The following NBEAL1 variants were observed in gnomAD, a reference collection of about 807,000 sequenced individuals.
NBEAL1 encodes the protein neurobeachin-like protein 1.
Under a neutral mutation model 351.3 loss-of-function variants are expected in NBEAL1, and 273 were observed. The ratio of observed to expected loss-of-function variants is 0.78; its 90% CI spans 0.70 to 0.86. NBEAL1 has a LOEUF of 0.86. NBEAL1 is among the 40% of genes least tolerant of loss of function. The pLI is 0.00. For missense variants in NBEAL1, 2,961 were observed against 3,201.3 expected, an observed-to-expected ratio of 0.92 and a Z score of 1.81; for synonymous variants, 1,050 against 1,086.4, an observed-to-expected ratio of 0.97 and a Z score of 0.66.
At chr2:203,018,129 T>G (rs1574851159) in intron 2 of NBEAL1, among the ~76,000 whole-genome samples, 1 of 152,246 alleles carries the variant, frequency 6.6e-6, no homozygotes, top group East Asian at 1.9e-4. Context: ...CCTCATAGAT[T>G]TAAGTCTTCT....
At chr2:203,131,702 A>C (rs1201561807) in intron 25 of NBEAL1, among the ~76,000 whole-genome samples, 1 of 152,206 alleles carries the variant, frequency 6.6e-6, no homozygotes, top group Non-Finnish European at 1.5e-5. Context: ...CTCCGGCATA[A>C]ATGGGTTAAT....
At chr2:203,152,167 A>G (rs1251398095) in intron 35 of NBEAL1, among the ~76,000 whole-genome samples, 5 of 150,712 alleles carry the variant, frequency 3.3e-5, no homozygotes, top group African/African-American at 2.4e-5. Context: ...CATGTTGGCC[A>G]GGCTGGTCTC....
intron 2 of NBEAL1, among the ~76,000 whole-genome samples, chr2:203,021,768 G>A (rs936014764): frequency 5.3e-5 from 8 of 151,796 alleles, no homozygotes; most frequent in Non-Finnish European, 8.8e-5. Context: ...GACATGTATC[G>A]GCTGGGCACA....
rs2061514032 is a variant in NBEAL1, at chr2:203,062,353, C to T, written c.515+4900C>T. The stretch of plus-strand genomic sequence containing the variant: ...TCTGGGAAAAATCCAGCAACGCCCA[C>T]TCCTGAGGGGTGAAGGTTACAGCCA... On this transcript the variant is annotated intron_variant, in intron 6 of 55. Transcript: ENST00000683969. This position sits in a 1 kb window ranked among gnomAD's most constrained non-coding sequence, Gnocchi z 4.2. The T allele has an allele frequency of 4.1e-6, 2 of 487,908 alleles. No homozygotes were observed. Among genetic ancestry groups the T allele is most frequent in the Non-Finnish European group, 8.2e-6 (2 of 243,308 alleles). The allele number at this position is 487,908 out of a possible 1,614,324, so 30.2% of individuals were successfully genotyped here.
At chr2:203,188,775 A>G (rs1197459662) in intron 45 of NBEAL1, among the ~76,000 whole-genome samples, 186 bp downstream of exon 45, 1 of 152,222 alleles carries the variant, frequency 6.6e-6, no homozygotes, top group Non-Finnish European at 1.5e-5. Context: ...ATGCCAATCT[A>G]ATTATAAATG....
intron 19 of NBEAL1, among the ~76,000 whole-genome samples, chr2:203,124,511 T>TC (rs1214849859): frequency 6.6e-5 from 10 of 152,226 alleles, no homozygotes; most frequent in Non-Finnish European, 1.2e-4. Flanking sequence ...ATAGAAATGT[T>TC]AATCTGCTTC....
chr2:203,203,210 C>T (rs1207721254), intron 51 of NBEAL1, among the ~76,000 whole-genome samples: 3 of 151,454 alleles, frequency 2.0e-5, no homozygotes, highest in Non-Finnish European at 4.4e-5. Flanking sequence ...GGCATGATCT[C>T]GGCTCACTGC....
Position 203,141,945 on chromosome 2 carries a change from T to C in NBEAL1, c.4849-2655T>C, listed in dbSNP as rs781001420. 7.9e-5 allele frequency among the ~76,000 whole-genome samples: 12 copies of C among 152,320 alleles called. No individual in the cohort carries two copies. In the Middle Eastern group the frequency reaches 0.01, roughly 130 times the overall value. On this transcript the variant is annotated intron_variant, in intron 31 of 55. Coordinates refer to ENST00000683969, the MANE Select transcript of NBEAL1 (RefSeq NM_001378026.1). ...TAAAAACTAAGATTTCCCAGCTTCTTTCAAAAATAGGACTGCATGGTTGTT... is the reference window on the plus strand; with the variant it reads ...TAAAAACTAAGATTTCCCAGCTTCTCTCAAAAATAGGACTGCATGGTTGTT...
intron 10 of NBEAL1, among the ~76,000 whole-genome samples, chr2:203,089,449 A>T (rs76745520): frequency 1.3e-5 from 2 of 152,120 alleles, no homozygotes; most frequent in Non-Finnish European, 1.5e-5. Context: ...TTTTCTCTCA[A>T]TACAAAAAAG....
At chr2:203,191,875 T>G (rs554713736) in intron 46 of NBEAL1, among the ~76,000 whole-genome samples, 295 of 152,298 alleles carry the variant, frequency 1.9e-3, no homozygotes, top group Non-Finnish European at 3.7e-3. Context: ...TGCTACCTAA[T>G]TAGGACACTT....
At chr2:203,131,848 A>G (rs1236551595) in intron 25 of NBEAL1, 125 bp from the exon 26 acceptor site, 12 of 629,252 alleles carry the variant, frequency 1.9e-5, no homozygotes, top group Non-Finnish European at 2.3e-5. Flanking sequence ...ACTTACTAAC[A>G]TTAAATATTA....
At chr2:203,162,055 A>T (rs1478747391) in intron 36 of NBEAL1, among the ~76,000 whole-genome samples, 4 of 102,064 alleles carry the variant, frequency 3.9e-5, no homozygotes, top group East Asian at 2.8e-4. Context: ...ATGGAGTCTT[A>T]CTCTGTCACC....
intron 53 of NBEAL1, among the ~76,000 whole-genome samples, chr2:203,210,298 C>T (rs1251592110): frequency 2.1e-5 from 3 of 146,258 alleles, no homozygotes; most frequent in East Asian, 2.0e-4. Context: ...AGGAGGCAGA[C>T]GTTGCAGTGA....
At chr2:203,200,769 A>G (rs940042027) in intron 49 of NBEAL1, among the ~76,000 whole-genome samples, 3 of 152,244 alleles carry the variant, frequency 2.0e-5, no homozygotes, top group African/African-American at 7.2e-5. Flanking sequence ...ATATTTGAAA[A>G]CTATTTAAAA....
rs2061861018 is a variant in NBEAL1 at position 203,080,948 on chromosome 2, A to G, written c.685-2271A>G. Among the ~76,000 whole-genome samples, 6 of 152,234 alleles carry G rather than the reference A, an allele frequency of 3.9e-5. No individual in the cohort carries two copies. In the South Asian group the frequency reaches 6.2e-4, roughly 16 times the overall value. On this transcript the variant is annotated intron_variant, in intron 8 of 55. Transcript: ENST00000683969. Reference sequence around the variant, plus strand: ...GATCCTCTTCTCTTTTCGAAAACACAGAGACTTGTTCTTGTTAGTGCCTAG... The same window carrying G: ...GATCCTCTTCTCTTTTCGAAAACACGGAGACTTGTTCTTGTTAGTGCCTAG...
At chr2:203,170,722 GAA>G (rs1222177852) in intron 39 of NBEAL1, among the ~76,000 whole-genome samples, 1 of 152,048 alleles carries the variant, frequency 6.6e-6, no homozygotes, top group South Asian at 2.1e-4. Context: ...TATTGCCAGT[GAA>G]AAAAGTTTTA....
At chr2:203,172,949 C>A in intron 41 of NBEAL1, 96 bp downstream of exon 41, 1 of 886,126 alleles carries the variant, frequency 1.1e-6, no homozygotes, top group Non-Finnish European at 1.6e-6. Context: ...TTTTTTTTAT[C>A]GTACTACTAC....
chr2:203,111,494 C>T (rs2106243164), intron 15 of NBEAL1, among the ~76,000 whole-genome samples: 1 of 152,120 alleles, frequency 6.6e-6, no homozygotes, highest in East Asian at 1.9e-4. Flanking sequence ...TCTCAGCCTC[C>T]TGAGTAGCTG....
chr2:203,088,562 TAAAC>T (rs2062009042), intron 10 of NBEAL1, among the ~76,000 whole-genome samples: 1 of 152,208 alleles, frequency 6.6e-6, no homozygotes, highest in African/African-American at 2.4e-5. Context: ...TTTCTAGCAG[TAAAC>T]ATGGAGTTAT....
Sources: gnomAD v4.1 joint callset for allele counts (sites outside exome capture counted in the v4.1 genomes callset) on GRCh38, gnomAD v4.1.1 for gene constraint, Gnocchi (gnomAD v3.1) non-coding constraint, MANE v1.5 for transcripts, NCBI Gene and HGNC (gene_info 2026-07-23, HGNC 2026-07-21) for gene names.